Variants in MFSD12 observed in about 807,000 individuals in gnomAD.
MFSD12 encodes major facilitator superfamily domain containing 12, also known as major facilitator superfamily domain-containing protein 12.
MFSD12 carries 67 observed loss-of-function variants against 51.2 expected under a neutral mutation model. The observed-to-expected ratio is 1.31, with a 90% CI of 1.08 to 1.60. MFSD12 has a LOEUF of 1.60. Among genes scored for constraint, MFSD12 ranks in the 40% most tolerant of loss-of-function variants. The pLI is 0.00. For missense variants in MFSD12, 921 were observed against 673.0 expected, an observed-to-expected ratio of 1.37 and a Z score of -4.08; for synonymous variants, 441 against 316.7, an observed-to-expected ratio of 1.39 and a Z score of -4.17.
chr19:3,552,383 G>C (rs2031520180), intron 1 of MFSD12, among the ~76,000 whole-genome samples: 1 of 149,368 alleles, frequency 6.7e-6, no homozygotes, highest in Non-Finnish European at 1.5e-5. Flanking sequence ...GGCCAGGCTG[G>C]TCTCCAATGC....
chr19:3,540,469 G>A (rs1378464024), downstream of MFSD12, among the ~76,000 whole-genome samples: 3 of 151,410 alleles, frequency 2.0e-5, no homozygotes, highest in East Asian at 2.0e-4. Context: ...TGTTGGCCAG[G>A]ATGGTCTCGA....
intron 2 of MFSD12, among the ~76,000 whole-genome samples, chr19:3,549,817 C>T (rs192602678): frequency 1.3e-5 from 2 of 148,530 alleles, no homozygotes; most frequent in Admixed American, 6.7e-5. Flanking sequence ...TGAGGTCAGG[C>T]GTTCAAGACC....
At chr19:3,538,496 A>C (rs191438408) in exon 5 of MFSD12, 1 of 326,074 alleles carries the variant, frequency 3.1e-6, no homozygotes, top group East Asian at 8.9e-5. Context: ...GATTCTGTGG[A>C]TTGGTCTGTC....
chr19:3,543,826 C>T (rs2030681045), downstream of MFSD12: 7 of 1,523,268 alleles, frequency 4.6e-6, no homozygotes, highest in African/African-American at 1.4e-5. Flanking sequence ...GTCCCACCTA[C>T]AGTGCTCAAC....
rs756093020 is a variant in MFSD12 at position 3,546,355 on chromosome 19, C to G, written c.1094G>C (p.Gly365Ala). 1 of 1,607,642 alleles carries G rather than the reference C, an allele frequency of 6.2e-7. No individual in the cohort carries two copies. The highest frequency in any genetic ancestry group is 8.5e-7 in the Non-Finnish European group (1 of 1,177,850). The change falls in exon 7 of 10, where the codon GGT (glycine) becomes GCT (alanine). Residue 365 changes from glycine (G) to alanine (A), a missense_variant. Gly to Ala is a moderately conservative substitution (Grantham distance 60, BLOSUM62 0). Transcript: ENST00000355415. Reference sequence around the variant, plus strand: ...CACAGCCGCTGCGTACACGGCCACACCCAGTCCCTCCGCCAGCGCCACCCA... The same window carrying G: ...CACAGCCGCTGCGTACACGGCCACAGCCAGTCCCTCCGCCAGCGCCACCCA... ...AAWVALAEGL[G>A]VAVYAAAVLL...
In MFSD12 at chr19:3,547,285, C is replaced by G; in HGVS notation, c.1010G>C (p.Cys337Ser). 6.2e-7 allele frequency: 1 copy of G among 1,613,106 alleles called. No individual in the cohort carries two copies. Among genetic ancestry groups the G allele is most frequent in the Non-Finnish European group, 8.5e-7 (1 of 1,179,824 alleles). ...CCGCCCACTCACGTTCCTCCCAATGCACTTGTTGATGGGCTTCATGAGGAA... is the reference window on the plus strand; with the variant it reads ...CCGCCCACTCACGTTCCTCCCAATGGACTTGTTGATGGGCTTCATGAGGAA... Reference protein sequence around the residue: ...SSFLMKPINKCIGRNMTYFSG... With the variant: ...SSFLMKPINKSIGRNMTYFSG... The change falls in exon 6 of 10, where the codon TGC becomes TCC. Residue 337 changes from cysteine (C) to serine (S), a missense_variant. Cys to Ser is a moderately radical substitution (Grantham distance 112, BLOSUM62 -1). Coordinates refer to ENST00000355415, the MANE Select transcript of MFSD12 (RefSeq NM_174983.5).
At position 3,557,140 on chromosome 19, in the gene MFSD12, G is replaced by A; in HGVS notation, c.264C>T (p.Ala88=). 1 of 1,510,768 alleles carries A rather than the reference G, an allele frequency of 6.6e-7. No homozygotes were observed. 93.6% of individuals were successfully genotyped at this position (1,510,768 alleles called of 1,614,324 possible). A position where few individuals can be genotyped will look rare whatever the true frequency, so the allele number is the denominator to read the frequency against. Residue 88 remains alanine (A), a synonymous_variant, in exon 1 of 10, where the codon GCC becomes GCT. Transcript: ENST00000355415. ...GCCAGGCCTTGCGCGGGCCGTAGCGGGCGCAGCAGCTGGCGGCGCGGTCGG... is the reference window on the plus strand; with the variant it reads ...GCCAGGCCTTGCGCGGGCCGTAGCGAGCGCAGCAGCTGGCGGCGCGGTCGG... ...YEADRAASCC[A]RYGPRKAWHL...
At position 3,551,200 on chromosome 19, in the gene MFSD12, G is replaced by A; in HGVS notation, c.299-6C>T. ...CAGCAGGACGCAGACGGTGCCTGTG[G>A]AAGGCAGAGTGGTCAGTCGCGGGGC... On this transcript the variant is annotated splice_region_variant and splice_polypyrimidine_tract_variant and intron_variant, in intron 1 of 9. Coordinates refer to ENST00000355415, the MANE Select transcript of MFSD12 (RefSeq NM_174983.5). The surrounding 1 kb of genome is among the most constrained non-coding windows in gnomAD (Gnocchi z 4.6). 1 of 1,596,506 alleles carries A rather than the reference G, an allele frequency of 6.3e-7. No homozygotes were observed. Among genetic ancestry groups the A allele is most frequent in the Non-Finnish European group, 8.5e-7 (1 of 1,171,284 alleles).
intron 8 of MFSD12, 116 bp from the exon 9 acceptor site, chr19:3,545,055 G>C: frequency 1.4e-6 from 2 of 1,379,476 alleles, no homozygotes; most frequent in Middle Eastern, 2.6e-4. Context: ...CAATCCAGGA[G>C]CTGGGGGCCC....
rs2031788354 is a variant in MFSD12 at position 3,557,355 on chromosome 19, G to A, written c.49C>T (p.Leu17=). The A allele has an allele frequency of 6.6e-7, 1 of 1,519,926 alleles. No individual in the cohort carries two copies. Among genetic ancestry groups the A allele is most frequent in the African/African-American group, 1.4e-5 (1 of 69,798 alleles). 94.2% of individuals were successfully genotyped at this position (1,519,926 alleles called of 1,614,324 possible). The change falls in exon 1 of 10, where the codon CTG becomes TTG. Residue 17 remains leucine, a synonymous_variant. Coordinates refer to ENST00000355415, the MANE Select transcript of MFSD12 (RefSeq NM_174983.5). Reference sequence around the variant, plus strand: ...TAGCTCAGCCGCGCCACCAGGGACAGCGGCCGCGGGGACGGCGCCGCTCCG... The same window carrying A: ...TAGCTCAGCCGCGCCACCAGGGACAACGGCCGCGGGGACGGCGCCGCTCCG... ...AAGAAPSPRP[L]SLVARLSYAV... is the part of the protein sequence containing the mutation.
chr19:3,554,077 G>T (rs971589477), intron 1 of MFSD12, among the ~76,000 whole-genome samples: 3 of 151,472 alleles, frequency 2.0e-5, no homozygotes, highest in Admixed American at 2.0e-4. Flanking sequence ...GCAAGACTCC[G>T]TCTCAAAAAT....
exon 5 of MFSD12, chr19:3,538,421 C>T (rs146811860): frequency 6.7e-5 from 21 of 311,528 alleles, no homozygotes; most frequent in African/African-American, 4.6e-4. Context: ...GCCCTGTCCC[C>T]ATTATGTCAC....
At chr19:3,546,496 C>T (rs2145190429) in intron 6 of MFSD12, 71 bp from the exon 7 acceptor site, 10 of 1,500,310 alleles carry the variant, frequency 6.7e-6, no homozygotes, top group Non-Finnish European at 9.0e-6. Context: ...AATCCGCCAC[C>T]CCTACCCCCA....
In MFSD12 at chr19:3,557,219, A is replaced by T. The variant is rs778656202; in HGVS notation, c.185T>A (p.Leu62Gln). 3.2e-6 allele frequency: 5 copies of T among 1,586,078 alleles called. No individual in the cohort carries two copies. Among genetic ancestry groups the T allele is most frequent in the Non-Finnish European group, 4.3e-6 (5 of 1,168,614 alleles). ...AYSSRGAGLLLLLGQVADGLC... is the reference protein window; with the variant it reads ...AYSSRGAGLLQLLGQVADGLC... Reference sequence around the variant, plus strand: ...CCCGTCGGCCACCTGGCCCAGCAGCAGCAGCAGCCCCGCGCCGCGGGAGCT... The same window carrying T: ...CCCGTCGGCCACCTGGCCCAGCAGCTGCAGCAGCCCCGCGCCGCGGGAGCT... Residue 62 changes from leucine to glutamine, a missense_variant, in exon 1 of 10, where the codon CTG (leucine) becomes CAG (glutamine). Transcript: ENST00000355415.
At chr19:3,542,195 A>G (rs1437198049), downstream of MFSD12, 2 of 985,286 alleles carry the variant, frequency 2.0e-6, no homozygotes, top group African/African-American at 3.5e-5. Flanking sequence ...TGATCTTGAA[A>G]TTGCCTTTCT....
chr19:3,545,021 C>G lies in MFSD12; in HGVS notation c.1290-82G>C, dbSNP rs77679297. On this transcript the variant is annotated intron_variant, in intron 8 of 9. Coordinates refer to ENST00000355415, the MANE Select transcript of MFSD12 (RefSeq NM_174983.5). ...AAGCTGAACCTGTGCCTCCCCTCAC[C>G]CCCGACAGCGGCTCCGTCCTGTCCA... The G allele has an allele frequency of 4.8e-3, 7,148 of 1,495,446 alleles. 216 individuals carry two copies. The African/African-American group carries it at 0.073, about 15-fold the overall frequency. 92.6% of individuals were successfully genotyped at this position (1,495,446 alleles called of 1,614,324 possible). A position where few individuals can be genotyped will look rare whatever the true frequency, so the allele number is the denominator to read the frequency against.
chr19:3,546,453 C>A, intron 6 of MFSD12, 28 bp from the exon 7 acceptor site: 1 of 1,585,040 alleles, frequency 6.3e-7, no homozygotes, highest in Non-Finnish European at 8.6e-7. Flanking sequence ...GGGTCAGGCC[C>A]ACACCACTGG....
chr19:3,545,307 T>G (rs1002211509), intron 8 of MFSD12, among the ~76,000 whole-genome samples: 1 of 152,192 alleles, frequency 6.6e-6, no homozygotes, highest in Non-Finnish European at 1.5e-5. Flanking sequence ...GTCCCTCTTC[T>G]GCCCACAGCT....
At chr19:3,552,467 CTT>C (rs397859575) in intron 1 of MFSD12, among the ~76,000 whole-genome samples, 902 of 65,134 alleles carry the variant, frequency 0.014, 1 homozygote, top group South Asian at 0.021. Context: ...CGCGCCCCGC[CTT>C]TTTTTTTTTT....
Sources: allele counts gnomAD v4.1 joint callset (sites outside exome capture counted in the v4.1 genomes callset), GRCh38; gene constraint gnomAD v4.1.1; non-coding constraint Gnocchi (gnomAD v3.1); transcripts MANE v1.5; gene names NCBI Gene and HGNC (gene_info 2026-07-23, HGNC 2026-07-21).